Variants in SYNPO2 observed in about 807,000 individuals in gnomAD.
SYNPO2 encodes synaptopodin 2.
Under a neutral mutation model 85.0 loss-of-function variants are expected in SYNPO2, and 56 were observed. The ratio of observed to expected loss-of-function variants is 0.66; its 90% CI spans 0.53 to 0.82. The LOEUF is 0.82. Among genes scored for constraint, SYNPO2 ranks in the 40% least tolerant of loss-of-function variants. The pLI is 0.00. For missense variants in SYNPO2, 1,575 were observed against 1,534.2 expected, an observed-to-expected ratio of 1.03 and a Z score of -0.44; for synonymous variants, 602 against 591.1, an observed-to-expected ratio of 1.02 and a Z score of -0.27.
At chr4:118,938,180 C>T (rs1279309727) in intron 1 of SYNPO2, among the ~76,000 whole-genome samples, 2 of 151,832 alleles carry the variant, frequency 1.3e-5, no homozygotes, top group Non-Finnish European at 2.9e-5. Context: ...GCTGTATAGC[C>T]GGGTGGCAGG....
intron 1 of SYNPO2, among the ~76,000 whole-genome samples, chr4:119,007,362 T>G (rs1737121122): frequency 7.1e-6 from 1 of 141,070 alleles, no homozygotes; most frequent in East Asian, 2.0e-4. Flanking sequence ...CTGGAAGGCA[T>G]GGGAGAAAAA....
At chr4:118,904,624 C>T (rs4834714) in intron 1 of SYNPO2, among the ~76,000 whole-genome samples, 35,988 of 151,860 alleles carry the variant, frequency 0.24, 4,549 homozygotes, top group East Asian at 0.38. Context: ...GGATTTTGTT[C>T]CCTCCCCCAC....
Position 119,057,956 on chromosome 4 carries a change from T to G in SYNPO2, c.*22T>G. 6.3e-7 allele frequency: 1 copy of G among 1,582,782 alleles called. No individual in the cohort carries two copies. Reference sequence around the variant, plus strand: ...ATGAAAGTTAGAAGAACGGATCATGTGCCAACTGTAGTTTTTTAAAAAAAA... The same window carrying G: ...ATGAAAGTTAGAAGAACGGATCATGGGCCAACTGTAGTTTTTTAAAAAAAA... On this transcript the variant is annotated 3_prime_UTR_variant, in exon 5 of 5. Transcript: ENST00000307142.
chr4:118,948,865 A>T (rs1232349015), intron 1 of SYNPO2, among the ~76,000 whole-genome samples: 1 of 152,176 alleles, frequency 6.6e-6, no homozygotes, highest in Non-Finnish European at 1.5e-5. Flanking sequence ...AAATACCCCA[A>T]TTATATACTT....
intron 1 of SYNPO2, chr4:119,006,433 T>C (rs536096857): frequency 1.3e-5 from 2 of 152,186 alleles, no homozygotes; most frequent in Non-Finnish European, 1.5e-5. Context: ...AATATTCTCA[T>C]GGAAGCCTTG....
chr4:118,861,664 T>C (rs188519505), intron 1 of SYNPO2, among the ~76,000 whole-genome samples: 45 of 152,304 alleles, frequency 3.0e-4, no homozygotes, highest in African/African-American at 9.9e-4. Context: ...GATGTATGGA[T>C]TTATTATGGC....
intron 1 of SYNPO2, among the ~76,000 whole-genome samples, chr4:118,974,151 C>T (rs1194758744): frequency 6.6e-6 from 1 of 152,188 alleles, no homozygotes; most frequent in Non-Finnish European, 1.5e-5. Flanking sequence ...ATTTCTACAA[C>T]ACCTTTAGTG....
chr4:119,034,976 C>A, intron 4 of SYNPO2: 1 of 985,396 alleles, frequency 1.0e-6, no homozygotes, highest in Non-Finnish European at 1.2e-6. Context: ...TAGGACTTTG[C>A]CTCTTCCTTT....
intron 1 of SYNPO2, among the ~76,000 whole-genome samples, chr4:118,992,147 G>A (rs1306164598): frequency 1.3e-5 from 2 of 152,172 alleles, no homozygotes; most frequent in East Asian, 3.8e-4. Flanking sequence ...TGTATGATAA[G>A]TGAAGACATT....
At chr4:118,961,103 C>CT (rs1338651165) in intron 1 of SYNPO2, among the ~76,000 whole-genome samples, 4 of 114,162 alleles carry the variant, frequency 3.5e-5, no homozygotes, top group Non-Finnish European at 5.2e-5. Flanking sequence ...TTTACCGCCC[C>CT]CCCCCCACCC....
At chr4:118,944,665 CTT>C (rs1439392593) in intron 1 of SYNPO2, among the ~76,000 whole-genome samples, 3 of 152,068 alleles carry the variant, frequency 2.0e-5, no homozygotes, top group African/African-American at 7.2e-5. Context: ...ACTTTTAAAA[CTT>C]TAATCCATCA....
At chr4:118,931,331 CT>C (rs1268637251) in intron 1 of SYNPO2, among the ~76,000 whole-genome samples, 2 of 152,138 alleles carry the variant, frequency 1.3e-5, no homozygotes, top group Admixed American at 1.3e-4. Flanking sequence ...AGTTTGGGTG[CT>C]TGCTATGATA....
In SYNPO2 at chr4:119,061,079, TTCAAAG is replaced by T. The variant is rs1739397649; in HGVS notation, c.*3147_*3152del. 1 of 152,170 alleles carries T rather than the reference TTCAAAG, an allele frequency of 6.6e-6. No individual in the cohort carries two copies. The highest frequency in any genetic ancestry group is 1.5e-5 in the Non-Finnish European group (1 of 68,022). 9.4% of individuals were successfully genotyped at this position (152,170 alleles called of 1,614,324 possible). ...AGTAAATTTTCACATTAGATTTCTA[TTCAAAG>T]TACTAATATCTACATGGTCCACACT... On this transcript the variant is annotated 3_prime_UTR_variant, in exon 5 of 5. Transcript: ENST00000307142.
chr4:118,933,398 A>AGATGC (rs1167318334), intron 1 of SYNPO2, among the ~76,000 whole-genome samples: 1 of 152,224 alleles, frequency 6.6e-6, no homozygotes, highest in African/African-American at 2.4e-5. Context: ...GGCCCTGGCC[A>AGATGC]GATGCCCTGA....
chr4:119,004,067 A>T (rs1736920264), intron 1 of SYNPO2, among the ~76,000 whole-genome samples: 1 of 152,172 alleles, frequency 6.6e-6, no homozygotes, highest in South Asian at 2.1e-4. Context: ...TTTCAACAAC[A>T]TTCCTGTTTT....
rs762826783 is a variant in SYNPO2, at chr4:119,031,762, T to C, written c.2987T>C (p.Val996Ala). 6.2e-7 allele frequency: 1 copy of C among 1,614,062 alleles called. No homozygotes were observed. Among genetic ancestry groups the C allele is most frequent in the African/African-American group, 1.3e-5 (1 of 74,926 alleles). ...CTCCCCCAGAAGTCATCAGTCAAGG[T>C]CAATTCAGCCCTGGCCATGAAGCAA... ...DGLPQKSSVK[V>A]NSALAMKQAL... is the part of the protein sequence containing the mutation. Residue 996 changes from valine to alanine, a missense_variant, in exon 4 of 5, where the codon GTC (valine) becomes GCC (alanine). Physicochemically the swap from Val to Ala is moderately conservative, Grantham distance 64. Around this residue, in one of 3 missense-constraint regions of SYNPO2, gnomAD observed 1,508 missense variants for 1,446.8 expected, o/e 1.04. Transcript: ENST00000307142.
chr4:118,881,529 C>G (rs919161877), intron 1 of SYNPO2, among the ~76,000 whole-genome samples: 2 of 152,186 alleles, frequency 1.3e-5, no homozygotes, highest in African/African-American at 2.4e-5. Flanking sequence ...GGAGCCCTAG[C>G]ACAGTAATAC....
intron 1 of SYNPO2, among the ~76,000 whole-genome samples, chr4:118,911,070 C>T (rs1023529479): frequency 6.6e-6 from 1 of 152,068 alleles, no homozygotes; most frequent in African/African-American, 2.4e-5. Context: ...TTTCTTTTAT[C>T]TGATGATTTC....
At chr4:118,956,316 G>C (rs1734873195) in intron 1 of SYNPO2, among the ~76,000 whole-genome samples, 1 of 152,144 alleles carries the variant, frequency 6.6e-6, no homozygotes, top group Non-Finnish European at 1.5e-5. Context: ...GGGGAACCAG[G>C]ATAGCATAAG....
Sources: gnomAD v4.1 joint callset for allele counts (sites outside exome capture counted in the v4.1 genomes callset) on GRCh38, gnomAD v4.1.1 for gene constraint, gnomAD v4.1.1 regional missense constraint, MANE v1.5 for transcripts, NCBI Gene and HGNC (gene_info 2026-07-23, HGNC 2026-07-21) for gene names.